The following KIRREL3 variants were observed in gnomAD, a reference collection of about 807,000 sequenced individuals.
KIRREL3 encodes kin of IRRE-like protein 3.
A neutral mutation model predicts 89.7 loss-of-function variants in KIRREL3; 36 were observed. That is an observed-to-expected ratio of 0.40 (90% CI 0.31 to 0.53). The LOEUF (loss-of-function observed/expected upper bound fraction) is 0.53. Among genes scored for constraint, KIRREL3 ranks in the 20% least tolerant of loss-of-function variants. The pLI, the probability that KIRREL3 is intolerant of heterozygous loss-of-function variation, is 0.49. For missense variants in KIRREL3, 864 were observed against 1,056.6 expected (o/e 0.82, Z 2.53); for synonymous variants, 445 against 441.4 (o/e 1.01, Z -0.10).
At chr11:126,667,962 G>A (rs1310114074) in intron 1 of KIRREL3, among the ~76,000 whole-genome samples, 1 of 152,116 alleles carries the variant, frequency 6.6e-6, no homozygotes, top group East Asian at 1.9e-4. Context: ...CTTTCTCTGG[G>A]GCAAGGGGCA....
rs979254221 is a variant in KIRREL3 at position 126,656,706 on chromosome 11, T to C, written c.56-93794A>G. Among the ~76,000 whole-genome samples the C allele has an allele frequency of 4.6e-5, 7 of 152,202 alleles. No individual in the cohort carries two copies. Among genetic ancestry groups the C allele is most frequent in the Non-Finnish European group, 8.8e-5 (6 of 68,038 alleles). ...TCTCCGTATCTTTAGCACAGTTTGG[T>C]GATGACTTTTAAGCTTTGACATCAT... On this transcript the variant is annotated intron_variant, in intron 1 of 16. Coordinates refer to ENST00000525144, the MANE Select transcript of KIRREL3 (RefSeq NM_032531.4). This position sits in a 1 kb window ranked among gnomAD's most constrained non-coding sequence, Gnocchi z 4.0.
At chr11:126,439,400 C>G (rs1403301446) in intron 11 of KIRREL3, among the ~76,000 whole-genome samples, 1 of 151,758 alleles carries the variant, frequency 6.6e-6, no homozygotes, top group Non-Finnish European at 1.5e-5. Context: ...GAGACAGGGT[C>G]TCACTATGTT....
chr11:126,933,109 A>G (rs1222109665), intron 1 of KIRREL3, among the ~76,000 whole-genome samples: 1 of 152,214 alleles, frequency 6.6e-6, no homozygotes, highest in African/African-American at 2.4e-5. Context: ...GTCCCTGCTT[A>G]ACAGAAAAAG....
chr11:126,881,715 T>G (rs555824730), intron 1 of KIRREL3, among the ~76,000 whole-genome samples: 1 of 152,104 alleles, frequency 6.6e-6, no homozygotes, highest in Non-Finnish European at 1.5e-5. Context: ...ACTCGGCTAA[T>G]TTTTGTATTT....
chr11:126,703,371 A>T lies in KIRREL3; in HGVS notation c.56-140459T>A, dbSNP rs1251780446. Among the ~76,000 whole-genome samples the T allele has an allele frequency of 6.6e-6, 1 of 152,262 alleles. No homozygotes were observed. The highest frequency in any genetic ancestry group is 1.9e-4 in the East Asian group (1 of 5,204). Reference sequence around the variant, plus strand: ...GCACTGGTGAGCAGCAAACAGAATCATCGTCTTCATCACCATCAGCAGGAG... The same window carrying T: ...GCACTGGTGAGCAGCAAACAGAATCTTCGTCTTCATCACCATCAGCAGGAG... On this transcript the variant is annotated intron_variant, in intron 1 of 16. Coordinates refer to ENST00000525144, the MANE Select transcript of KIRREL3 (RefSeq NM_032531.4). The surrounding 1 kb of genome is among the most constrained non-coding windows in gnomAD (Gnocchi z 4.6).
chr11:126,944,615 G>C (rs1948564629), intron 1 of KIRREL3: 1 of 152,142 alleles, frequency 6.6e-6, no homozygotes, highest in Non-Finnish European at 1.5e-5. Flanking sequence ...GCACAGCTGT[G>C]GTCCACGCCT....
At chr11:126,850,699 C>T (rs1027025848) in intron 1 of KIRREL3, among the ~76,000 whole-genome samples, 1 of 152,160 alleles carries the variant, frequency 6.6e-6, no homozygotes, top group African/African-American at 2.4e-5. Flanking sequence ...AGCGTTCCAG[C>T]CACTGCTTAT....
intron 1 of KIRREL3, among the ~76,000 whole-genome samples, chr11:126,603,781 C>T (rs1030811290): frequency 1.4e-4 from 22 of 152,190 alleles, no homozygotes; most frequent in Non-Finnish European, 3.2e-4. Flanking sequence ...CTGGTAGCTC[C>T]GGATTGACCA....
chr11:126,613,893 T>TTTTTTTTTTTTTTTTTG (rs371748740), intron 1 of KIRREL3, among the ~76,000 whole-genome samples: 2 of 118,642 alleles, frequency 1.7e-5, no homozygotes, highest in Admixed American at 9.9e-5. Context: ...TTTTTTTTTT[T>TTTTTTTTTTTTTTTTTG]ATTTTTTTCC....
In KIRREL3 at chr11:126,589,815, C is replaced by A. The variant is rs534143236; in HGVS notation, c.56-26903G>T. Reference sequence around the variant, plus strand: ...AGTGACTCAACCCACTTTATCCTGCCACCTCACCTGACCTTGCTGGCATTT... The same window carrying A: ...AGTGACTCAACCCACTTTATCCTGCAACCTCACCTGACCTTGCTGGCATTT... On this transcript the variant is annotated intron_variant, in intron 1 of 16. Transcript: ENST00000525144. Among the ~76,000 whole-genome samples the A allele has an allele frequency of 2.0e-5, 3 of 152,280 alleles. No homozygotes were observed. The South Asian group carries it at 6.2e-4, about 32-fold the overall frequency.
At chr11:126,479,527 C>T (rs753484697) in intron 4 of KIRREL3, among the ~76,000 whole-genome samples, 6 of 152,230 alleles carry the variant, frequency 3.9e-5, no homozygotes, top group Non-Finnish European at 7.3e-5. Flanking sequence ...CTCAGACCTC[C>T]TAAGTCAAAA....
intron 1 of KIRREL3, among the ~76,000 whole-genome samples, chr11:126,893,454 G>A (rs1946006681): frequency 1.3e-5 from 2 of 152,172 alleles, no homozygotes; most frequent in Non-Finnish European, 2.9e-5. Context: ...GTATGCGTGG[G>A]GATGCCCCTG....
At chr11:126,923,898 T>C (rs1050832978) in intron 1 of KIRREL3, among the ~76,000 whole-genome samples, 4 of 152,226 alleles carry the variant, frequency 2.6e-5, no homozygotes, top group African/African-American at 9.6e-5. Flanking sequence ...CCAGCTCAAA[T>C]GTGTCCAAAG....
intron 1 of KIRREL3, chr11:126,936,399 A>G (rs1006246004): frequency 1.8e-4 from 28 of 152,230 alleles, no homozygotes; most frequent in Non-Finnish European, 4.0e-4. Flanking sequence ...TCTGCCCAAG[A>G]GAAATGAAAA....
At chr11:126,483,781 TG>T (rs1441643607) in intron 4 of KIRREL3, among the ~76,000 whole-genome samples, 1 of 152,254 alleles carries the variant, frequency 6.6e-6, no homozygotes, top group Non-Finnish European at 1.5e-5. Context: ...AAGTTCCCTT[TG>T]CTGGGAATCT....
In KIRREL3 at chr11:126,906,620, G is replaced by GT. The variant is rs34346465; in HGVS notation, c.55+93834dup. Among the ~76,000 whole-genome samples the GT allele has an allele frequency of 7.9e-5, 12 of 151,942 alleles. No individual in the cohort carries two copies. In the South Asian group the frequency reaches 1.0e-3, roughly 13 times the overall value. ...GCTTCAGATCTCCTTTCCTTTCACT[G>GT]TTTTTTTTAGCATGTATGGGAACAT... On this transcript the variant is annotated intron_variant, in intron 1 of 16. Coordinates refer to ENST00000525144, the MANE Select transcript of KIRREL3 (RefSeq NM_032531.4). The surrounding 1 kb of genome is among the most constrained non-coding windows in gnomAD (Gnocchi z 4.1).
intron 1 of KIRREL3, among the ~76,000 whole-genome samples, chr11:126,835,688 G>C (rs1009490095): frequency 4.6e-5 from 7 of 152,216 alleles, no homozygotes; most frequent in Admixed American, 1.3e-4. Flanking sequence ...AGTGTACCTA[G>C]GAGATGGGTA....
intron 4 of KIRREL3, among the ~76,000 whole-genome samples, chr11:126,478,149 G>T (rs1957117129): frequency 6.6e-6 from 1 of 152,152 alleles, no homozygotes; most frequent in South Asian, 2.1e-4. Flanking sequence ...GCTCCTTCCG[G>T]GGCCGGGCTT....
intron 1 of KIRREL3, among the ~76,000 whole-genome samples, chr11:126,634,454 C>T (rs942424893): frequency 6.6e-6 from 1 of 152,190 alleles, no homozygotes; most frequent in South Asian, 2.1e-4. Flanking sequence ...TACCCTCTCT[C>T]GTGGTGCCTG....
Sources: allele counts gnomAD v4.1 joint callset (sites outside exome capture counted in the v4.1 genomes callset), GRCh38; gene constraint gnomAD v4.1.1; non-coding constraint Gnocchi (gnomAD v3.1); transcripts MANE v1.5; gene names NCBI Gene and HGNC (gene_info 2026-07-23, HGNC 2026-07-21).